The following C4orf50 variants were observed in gnomAD, a reference collection of about 807,000 sequenced individuals.
C4orf50 encodes the protein uncharacterized protein C4orf50.
C4orf50 carries 80 observed loss-of-function variants against 77.2 expected under a neutral mutation model. The observed-to-expected ratio is 1.04, with a 90% confidence interval of 0.87 to 1.25. The LOEUF (loss-of-function observed/expected upper bound fraction) is 1.25. Ranked by LOEUF, C4orf50 falls within the 50% of genes most tolerant of loss-of-function variation. The pLI is 0.00. For synonymous variants in C4orf50, 532 were observed against 465.3 expected (o/e 1.14, Z -1.84); for missense variants, 1,257 against 1,152.9 (o/e 1.09, Z -1.31).
intron 7 of C4orf50, among the ~76,000 whole-genome samples, chr4:5,913,452 T>G (rs563104585): frequency 6.6e-6 from 1 of 152,184 alleles, no homozygotes; most frequent in African/African-American, 2.4e-5. Context: ...TAGCATATAC[T>G]ATGAAACAGA....
chr4:5,974,284 A>C (rs1463515357), intron 30 of C4orf50, among the ~76,000 whole-genome samples: 2 of 152,138 alleles, frequency 1.3e-5, no homozygotes, highest in African/African-American at 2.4e-5. Context: ...TTTATAAGGG[A>C]TTATGGCCTC....
At chr4:5,966,526 T>A (rs962125143) in intron 32 of C4orf50, among the ~76,000 whole-genome samples, 2 of 151,848 alleles carry the variant, frequency 1.3e-5, no homozygotes, top group East Asian at 3.9e-4. Context: ...AAAAAAGCAC[T>A]CATGTTACCA....
rs188400080 is a variant in C4orf50, at chr4:5,940,513, T to C, written c.*2474+16388A>G. 7.7e-4 allele frequency among the ~76,000 whole-genome samples: 117 copies of C among 152,322 alleles called. 1 individual carries two copies. Among genetic ancestry groups the C allele is most frequent in the African/African-American group, 2.6e-3 (110 of 41,576 alleles). ...AAGTCCTCGCCTCAACATTTTGCTA[T>C]GTGGATAACATCTGTGGAAGCTGAA... On this transcript the variant is annotated intron_variant, in intron 7 of 7. Coordinates refer to the C4orf50 transcript ENST00000324058.
intron 7 of C4orf50, among the ~76,000 whole-genome samples, chr4:5,909,871 G>C (rs1189742313): frequency 6.6e-6 from 1 of 152,150 alleles, no homozygotes; most frequent in Non-Finnish European, 1.5e-5. Flanking sequence ...CTATATGTCT[G>C]TTTTTGTACC....
chr4:6,004,188 G>A (rs202243842), intron 25 of C4orf50, among the ~76,000 whole-genome samples: 2 of 148,560 alleles, frequency 1.3e-5, no homozygotes, highest in Middle Eastern at 3.7e-3. Context: ...GATGGTGATG[G>A]TGATGATGGT....
At chr4:5,926,766 C>A (rs1717534388) in intron 7 of C4orf50, among the ~76,000 whole-genome samples, 1 of 152,148 alleles carries the variant, frequency 6.6e-6, no homozygotes, top group Admixed American at 6.5e-5. Context: ...CCCAGGCCCA[C>A]CCTGCCTGCA....
At chr4:5,922,790 G>A (rs546546299) in intron 7 of C4orf50, among the ~76,000 whole-genome samples, 1 of 152,106 alleles carries the variant, frequency 6.6e-6, no homozygotes, top group Non-Finnish European at 1.5e-5. Flanking sequence ...AAGGACCCAG[G>A]GAGTTTGCTG....
At chr4:5,957,553 G>A (rs1719038826) in exon 34 of C4orf50, 1 of 152,192 alleles carries the variant, frequency 6.6e-6, no homozygotes, top group African/African-American at 2.4e-5. Context: ...GGGGATTCTT[G>A]AGGGGTGGTA....
chr4:5,947,606 G>C (rs1718537798), intron 7 of C4orf50, among the ~76,000 whole-genome samples: 1 of 152,140 alleles, frequency 6.6e-6, no homozygotes, highest in African/African-American at 2.4e-5. Context: ...CGACTGGTGA[G>C]AGGCAGAGGC....
chr4:5,951,791 A>G (rs957642793), intron 7 of C4orf50, among the ~76,000 whole-genome samples: 1 of 151,856 alleles, frequency 6.6e-6, no homozygotes, highest in African/African-American at 2.4e-5. Flanking sequence ...CGTCCGACCT[A>G]CCTTCTTGCT....
In C4orf50 at chr4:5,989,887, C is replaced by A. The variant is rs61024715; in HGVS notation, c.2159G>T (p.Ser720Ile). The A allele has an allele frequency of 0.021, 29,942 of 1,437,520 alleles. 2,030 individuals carry two copies. The African/African-American group carries it at 0.23, about 11-fold the overall frequency. The allele number at this position is 1,437,520 out of a possible 1,614,324, so 89.0% of individuals were successfully genotyped here. Residue 720 changes from serine to isoleucine, a missense_variant, in exon 28 of 34, where the codon AGC becomes ATC. Ser to Ile is a moderately radical substitution (Grantham distance 142, BLOSUM62 -2). Coordinates refer to ENST00000531445, the Ensembl canonical transcript of C4orf50. ...TTCCTCTAGCCCTTTGTCCTCCAGG[C>A]TTCCTCCTTGCAGAAGCAGAGCATT...
At chr4:5,952,999 G>T (rs188818470), downstream of C4orf50, among the ~76,000 whole-genome samples, 266 of 152,338 alleles carry the variant, frequency 1.7e-3, no homozygotes, top group Middle Eastern at 0.01. The surrounding 1 kb of genome is among the most constrained non-coding windows in gnomAD (Gnocchi z 4.4). Context: ...CCTCCTCTGT[G>T]ATGAGCACTA....
rs573673881 is a variant in C4orf50 at position 5,970,404 on chromosome 4, G to A, written c.4105-2942C>T. On this transcript the variant is annotated intron_variant, in intron 31 of 33. Coordinates refer to ENST00000531445, the Ensembl canonical transcript of C4orf50. This position sits in a 1 kb window ranked among gnomAD's most constrained non-coding sequence, Gnocchi z 4.3. ...ACCTCTGCCATGCCAGGCTGACCTCGTGGGATTTCCCCATCCCCAAAACAG... is the reference window on the plus strand; with the variant it reads ...ACCTCTGCCATGCCAGGCTGACCTCATGGGATTTCCCCATCCCCAAAACAG... 7.2e-5 allele frequency among the ~76,000 whole-genome samples: 11 copies of A among 152,290 alleles called. No individual in the cohort carries two copies. Among genetic ancestry groups the A allele is most frequent in the South Asian group, 2.1e-4 (1 of 4,826 alleles).
At chr4:5,966,775 G>A (rs948335098) in intron 32 of C4orf50, among the ~76,000 whole-genome samples, 9 of 151,138 alleles carry the variant, frequency 6.0e-5, no homozygotes, top group Non-Finnish European at 1.2e-4. Flanking sequence ...TCAGCCTCCC[G>A]AGTAGCTGGG....
Position 6,018,048 on chromosome 4 carries a change from C to G in C4orf50, c.287+97G>C, listed in dbSNP as rs919732957. On this transcript the variant is annotated intron_variant, in intron 23 of 33. Transcript: ENST00000531445. This position sits in a 1 kb window ranked among gnomAD's most constrained non-coding sequence, Gnocchi z 5.1. ...ACGTGTCTTTGGTGAGCCAGTTTCC[C>G]CAGCTGTGTGGTGTGATTCAACACA... 1 of 397,576 alleles carries G rather than the reference C, an allele frequency of 2.5e-6. No individual in the cohort carries two copies. Among genetic ancestry groups the G allele is most frequent in the Non-Finnish European group, 4.4e-6 (1 of 226,022 alleles). 24.6% of individuals were successfully genotyped at this position (397,576 alleles called of 1,614,324 possible). A position where few individuals can be genotyped will look rare whatever the true frequency, so the allele number is the denominator to read the frequency against.
At chr4:5,933,890 G>T (rs1412872284) in intron 7 of C4orf50, among the ~76,000 whole-genome samples, 1 of 152,160 alleles carries the variant, frequency 6.6e-6, no homozygotes, top group Non-Finnish European at 1.5e-5. Flanking sequence ...GACTGTTGGG[G>T]AGAGGAGTGG....
intron 7 of C4orf50, among the ~76,000 whole-genome samples, chr4:5,922,805 C>T (rs935524111): frequency 2.6e-5 from 4 of 152,176 alleles, no homozygotes; most frequent in South Asian, 4.1e-4. Context: ...TTGCTGGACT[C>T]CAGCCTCCTG....
rs889286363 is a variant in C4orf50, at chr4:6,007,710, G to A, written c.963+286C>T. 6.6e-6 allele frequency among the ~76,000 whole-genome samples: 1 copy of A among 151,854 alleles called. No individual in the cohort carries two copies. Among genetic ancestry groups the A allele is most frequent in the African/African-American group, 2.4e-5 (1 of 41,298 alleles). On this transcript the variant is annotated intron_variant, in intron 25 of 33. Transcript: ENST00000531445. The surrounding 1 kb of genome is among the most constrained non-coding windows in gnomAD (Gnocchi z 4.1). ...TGGGCGAGTGGTTGGATAGGTAGAT[G>A]GATGGATGATGGGCAAGTGTGTGCA...
chr4:6,010,288 C>T (rs1039904194), intron 24 of C4orf50, among the ~76,000 whole-genome samples: 5 of 152,154 alleles, frequency 3.3e-5, no homozygotes, highest in Admixed American at 3.3e-4. Context: ...AGAAGTAACT[C>T]GATTTTCTGC....
Sources: gnomAD v4.1 joint callset for allele counts (sites outside exome capture counted in the v4.1 genomes callset) on GRCh38, gnomAD v4.1.1 for gene constraint, Gnocchi (gnomAD v3.1) non-coding constraint, MANE v1.5 for transcripts, NCBI Gene and HGNC (gene_info 2026-07-23, HGNC 2026-07-21) for gene names.